Variants in GULP1 observed in about 807,000 individuals in gnomAD.
GULP1 encodes the protein GULP PTB domain containing engulfment adaptor 1.
In GULP1, 19 loss-of-function variants were observed where a neutral mutation model predicts 40.9. That is an observed-to-expected ratio of 0.46 (90% CI 0.32 to 0.68). The LOEUF (loss-of-function observed/expected upper bound fraction) is 0.68, where lower values mean the gene tolerates loss of function less well. Ranked by LOEUF, GULP1 falls within the 30% of genes least tolerant of loss-of-function variation. The pLI is 0.03. For missense variants in GULP1, 312 were observed against 362.2 expected, an observed-to-expected ratio of 0.86 and a Z score of 1.12; for synonymous variants, 119 against 117.6, an observed-to-expected ratio of 1.01 and a Z score of -0.08.
chr2:188,594,166 T>G lies in GULP1; in HGVS notation c.*155T>G. On this transcript the variant is annotated 3_prime_UTR_variant, in exon 12 of 12. Coordinates refer to ENST00000409830, the MANE Select transcript of GULP1 (RefSeq NM_016315.4). ...CTCAGTTAAATTTCCTCACCTTCAC[T>G]ATTGATCTGTAATTTTTATTTTAAA... 2.1e-6 allele frequency: 1 copy of G among 482,526 alleles called. No individual in the cohort carries two copies. 29.9% of individuals were successfully genotyped at this position (482,526 alleles called of 1,614,324 possible).
chr2:188,421,899 A>G (rs1178328093), intron 2 of GULP1, among the ~76,000 whole-genome samples: 1 of 152,166 alleles, frequency 6.6e-6, no homozygotes, highest in East Asian at 1.9e-4. Context: ...CAGGAGTGAA[A>G]ACACCTTAAC....
chr2:188,426,202 T>G (rs1184887436), intron 2 of GULP1, among the ~76,000 whole-genome samples: 1 of 152,240 alleles, frequency 6.6e-6, no homozygotes, highest in African/African-American at 2.4e-5. Context: ...AAAGATTTTC[T>G]GACAGGCAAT....
At chr2:188,308,073 A>AGTTATTTCATTTT (rs2037430099) in intron 1 of GULP1, among the ~76,000 whole-genome samples, 1 of 150,826 alleles carries the variant, frequency 6.6e-6, no homozygotes, top group African/African-American at 2.4e-5. Flanking sequence ...TCAGCTCTTG[A>AGTTATTTCATTTT]TCATGATTAC....
chr2:188,303,947 T>C (rs573228588), intron 1 of GULP1, among the ~76,000 whole-genome samples: 1 of 152,284 alleles, frequency 6.6e-6, no homozygotes, highest in South Asian at 2.1e-4. Flanking sequence ...TGGAAATGAT[T>C]GTTTAGAGAT....
chr2:188,594,096 T>G lies in GULP1; in HGVS notation c.*85T>G. 1 of 726,928 alleles carries G rather than the reference T, an allele frequency of 1.4e-6. No homozygotes were observed. Among genetic ancestry groups the G allele is most frequent in the Non-Finnish European group, 2.4e-6 (1 of 424,286 alleles). The allele number at this position is 726,928 out of a possible 1,614,324, so 45.0% of individuals were successfully genotyped here. A position where few individuals can be genotyped will look rare whatever the true frequency, so the allele number is the denominator to read the frequency against. On this transcript the variant is annotated 3_prime_UTR_variant, in exon 12 of 12. Transcript: ENST00000409830. Reference sequence around the variant, plus strand: ...TATTATTACTTTAAGATAGGTATTATTCATGTGTCAATGTTTTTGAATATT... The same window carrying G: ...TATTATTACTTTAAGATAGGTATTAGTCATGTGTCAATGTTTTTGAATATT...
chr2:188,426,459 A>G (rs1483829355), intron 2 of GULP1, among the ~76,000 whole-genome samples: 2 of 152,174 alleles, frequency 1.3e-5, no homozygotes, highest in East Asian at 3.9e-4. Flanking sequence ...CTGGAAAGGG[A>G]AGGAGATTCT....
At chr2:188,506,482 C>A (rs537950618) in intron 4 of GULP1, among the ~76,000 whole-genome samples, 183 of 151,968 alleles carry the variant, frequency 1.2e-3, no homozygotes, top group African/African-American at 4.1e-3. Flanking sequence ...TTAGTTCTCC[C>A]ACTTGAATAA....
At chr2:188,351,971 T>C (rs1302296954) in intron 1 of GULP1, among the ~76,000 whole-genome samples, 3 of 152,200 alleles carry the variant, frequency 2.0e-5, no homozygotes, top group Admixed American at 6.5e-5. Context: ...ATCCCATTTT[T>C]TTTTGTCTGG....
In GULP1 at chr2:188,292,596, A is replaced by G. The variant is rs968919003; in HGVS notation, c.-172+430A>G. Among the ~76,000 whole-genome samples the G allele has an allele frequency of 9.2e-5, 14 of 152,034 alleles. No homozygotes were observed. Among genetic ancestry groups the G allele is most frequent in the Non-Finnish European group, 1.8e-4 (12 of 68,016 alleles). On this transcript the variant is annotated intron_variant, in intron 1 of 11. Coordinates refer to ENST00000409830, the MANE Select transcript of GULP1 (RefSeq NM_016315.4). This position sits in a 1 kb window ranked among gnomAD's most constrained non-coding sequence, Gnocchi z 4.0. ...CCGTCCGGCTGAGGGTGCGTGGATCAGACTGGGCTGAGCAGGCAAGTCATC... is the reference window on the plus strand; with the variant it reads ...CCGTCCGGCTGAGGGTGCGTGGATCGGACTGGGCTGAGCAGGCAAGTCATC...
intron 1 of GULP1, among the ~76,000 whole-genome samples, chr2:188,326,308 T>G (rs191761830): frequency 6.6e-6 from 1 of 152,318 alleles, no homozygotes; most frequent in Non-Finnish European, 1.5e-5. Context: ...GTACATCTAC[T>G]ATTGAATATT....
At chr2:188,367,281 G>C (rs200912993) in intron 1 of GULP1, among the ~76,000 whole-genome samples, 1 of 152,174 alleles carries the variant, frequency 6.6e-6, no homozygotes, top group Non-Finnish European at 1.5e-5. Flanking sequence ...AACTGGTCAC[G>C]ATGGTTAGGG....
intron 9 of GULP1, among the ~76,000 whole-genome samples, chr2:188,580,515 T>C (rs534822450): frequency 9.6e-5 from 14 of 145,630 alleles, no homozygotes; most frequent in African/African-American, 3.3e-4. Context: ...ATCCCGCCAC[T>C]GCACTCCAGC....
At chr2:188,541,408 G>T in intron 7 of GULP1, 90 bp downstream of exon 7, 3 of 1,060,220 alleles carry the variant, frequency 2.8e-6, no homozygotes, top group Non-Finnish European at 4.4e-6. Context: ...ATTTGAAAAT[G>T]AATAATTTTC....
At chr2:188,525,498 G>T (rs140082047) in intron 5 of GULP1, among the ~76,000 whole-genome samples, 1 of 152,064 alleles carries the variant, frequency 6.6e-6, no homozygotes, top group Non-Finnish European at 1.5e-5. Context: ...TTATTGGAAC[G>T]AATTTTATTT....
intron 2 of GULP1, among the ~76,000 whole-genome samples, chr2:188,390,889 T>C (rs572982449): frequency 6.6e-6 from 1 of 152,144 alleles, no homozygotes; most frequent in African/African-American, 2.4e-5. Flanking sequence ...TTCCCCAAGT[T>C]ATGTTTATAT....
intron 4 of GULP1, 53 bp from the exon 5 acceptor site, chr2:188,522,703 G>T (rs377316780): frequency 1.1e-5 from 11 of 1,032,774 alleles, no homozygotes; most frequent in African/African-American, 4.7e-5. Flanking sequence ...TCAACATGAT[G>T]CAATGATATA....
intron 9 of GULP1, among the ~76,000 whole-genome samples, chr2:188,580,697 C>A (rs969534572): frequency 6.6e-6 from 1 of 152,194 alleles, no homozygotes; most frequent in African/African-American, 2.4e-5. Context: ...TAATCTCTCA[C>A]TTTACATGGC....
At chr2:188,331,873 A>G (rs186745199) in intron 1 of GULP1, among the ~76,000 whole-genome samples, 32 of 152,240 alleles carry the variant, frequency 2.1e-4, no homozygotes, top group African/African-American at 7.5e-4. Flanking sequence ...GGCAACTTAT[A>G]TTTTTACTTG....
intron 4 of GULP1, among the ~76,000 whole-genome samples, chr2:188,519,695 C>T (rs2065539165): frequency 6.6e-6 from 1 of 152,212 alleles, no homozygotes; most frequent in South Asian, 2.1e-4. Flanking sequence ...CCTGGTGGCA[C>T]ATTAATATCG....
Sources: allele counts gnomAD v4.1 joint callset (sites outside exome capture counted in the v4.1 genomes callset), GRCh38; gene constraint gnomAD v4.1.1; non-coding constraint Gnocchi (gnomAD v3.1); transcripts MANE v1.5; gene names NCBI Gene and HGNC (gene_info 2026-07-23, HGNC 2026-07-21).